Variants in HRH2 observed in about 807,000 individuals in gnomAD.
HRH2 encodes histamine H2 receptor.
Under a neutral mutation model 20.1 loss-of-function variants are expected in HRH2, and 4 were observed. The ratio of observed to expected loss-of-function variants is 0.20; its 90% CI spans 0.10 to 0.45. The LOEUF (loss-of-function observed/expected upper bound fraction) is 0.45, where lower values mean the gene tolerates loss of function less well. Ranked by LOEUF, HRH2 falls within the 20% of genes least tolerant of loss-of-function variation. The pLI is 0.99. For synonymous variants in HRH2, 197 were observed against 200.7 expected, an observed-to-expected ratio of 0.98 and a Z score of 0.16; for missense variants, 250 against 461.6, an observed-to-expected ratio of 0.54 and a Z score of 4.20.
At position 175,708,097 on chromosome 5, in the gene HRH2, C is replaced by T; in HGVS notation, c.*126C>T. The T allele has an allele frequency of 2.5e-6, 1 of 397,780 alleles. No individual in the cohort carries two copies. Among genetic ancestry groups the T allele is most frequent in the Non-Finnish European group, 4.4e-6 (1 of 225,858 alleles). 24.6% of individuals were successfully genotyped at this position (397,780 alleles called of 1,614,324 possible). A position where few individuals can be genotyped will look rare whatever the true frequency, so the allele number is the denominator to read the frequency against. On this transcript the variant is annotated 3_prime_UTR_variant, in exon 3 of 3. Coordinates refer to ENST00000636584, the MANE Select transcript of HRH2 (RefSeq NM_001367711.1). The stretch of plus-strand genomic sequence containing the variant: ...GGACTGAATCTGGGGGCTCCCAGAA[C>T]ACACAGCTGGGTGTGGGGTCCTCAG...
intron 2 of HRH2, among the ~76,000 whole-genome samples, chr5:175,692,782 C>A (rs1756430600): frequency 6.6e-6 from 1 of 152,198 alleles, no homozygotes. Context: ...CCAATACTAA[C>A]TATATATAAA....
At chr5:175,670,133 G>A (rs972953033) in intron 1 of HRH2, among the ~76,000 whole-genome samples, 1 of 152,170 alleles carries the variant, frequency 6.6e-6, no homozygotes, top group African/African-American at 2.4e-5. Context: ...AGGTGGGAAC[G>A]AGGGCCAGGG....
intron 2 of HRH2, among the ~76,000 whole-genome samples, chr5:175,691,880 AAG>A (rs1454329172): frequency 6.6e-6 from 1 of 151,658 alleles, no homozygotes; most frequent in African/African-American, 2.4e-5. Flanking sequence ...AAAAAGAAAA[AAG>A]AGAAAAAAAA....
At chr5:175,676,789 C>T (rs1164503475) in intron 1 of HRH2, among the ~76,000 whole-genome samples, 2 of 152,188 alleles carry the variant, frequency 1.3e-5, no homozygotes, top group Non-Finnish European at 2.9e-5. Context: ...CATGTGTACA[C>T]ATTTTTTACC....
chr5:175,692,819 AC>A (rs1398114508), intron 2 of HRH2, among the ~76,000 whole-genome samples: 1 of 152,118 alleles, frequency 6.6e-6, no homozygotes, highest in Non-Finnish European at 1.5e-5. Context: ...GAGCGTGCCA[AC>A]CCCCCAACTG....
chr5:175,670,720 C>A (rs999817932), intron 1 of HRH2, among the ~76,000 whole-genome samples: 2 of 152,254 alleles, frequency 1.3e-5, no homozygotes, highest in African/African-American at 2.4e-5. Context: ...ACTCTTGAGC[C>A]CACCAGAGAC....
At chr5:175,680,401 A>T (rs1033162045) in intron 1 of HRH2, among the ~76,000 whole-genome samples, 2 of 152,210 alleles carry the variant, frequency 1.3e-5, no homozygotes, top group Non-Finnish European at 2.9e-5. Flanking sequence ...GGAGGCCCCC[A>T]CATACCAAAC....
At chr5:175,662,309 G>A (rs544612117) in intron 1 of HRH2, among the ~76,000 whole-genome samples, 1 of 152,300 alleles carries the variant, frequency 6.6e-6, no homozygotes, top group East Asian at 1.9e-4. Flanking sequence ...TCAACATCTG[G>A]AGCTATTTTT....
chr5:175,693,382 G>A lies in HRH2; in HGVS notation c.1076+9073G>A, dbSNP rs888201718. Among the ~76,000 whole-genome samples the A allele has an allele frequency of 4.6e-5, 7 of 152,216 alleles. No homozygotes were observed. The highest frequency in any genetic ancestry group is 7.2e-5 in the African/African-American group (3 of 41,462). On this transcript the variant is annotated intron_variant, in intron 2 of 2. Transcript: ENST00000636584. The surrounding 1 kb of genome is among the most constrained non-coding windows in gnomAD (Gnocchi z 4.4). ...GGTCCCGACTGCCAAAAACTGGCAC[G>A]TGGTGCTAGACAACCATCAGTGTGC...
chr5:175,678,924 G>A (rs1178755981), intron 1 of HRH2, among the ~76,000 whole-genome samples: 5 of 152,214 alleles, frequency 3.3e-5, no homozygotes, highest in Non-Finnish European at 7.3e-5. Context: ...CGTGGAGGGG[G>A]AGCACATCCC....
intron 1 of HRH2, among the ~76,000 whole-genome samples, chr5:175,661,576 G>T (rs1243216859): frequency 1.3e-5 from 2 of 152,192 alleles, no homozygotes; most frequent in African/African-American, 4.8e-5. Flanking sequence ...GTCAGGAAGG[G>T]CTGACAGATT....
chr5:175,670,746 A>T (rs183220144), intron 1 of HRH2, among the ~76,000 whole-genome samples: 1 of 152,218 alleles, frequency 6.6e-6, no homozygotes, highest in African/African-American at 2.4e-5. Flanking sequence ...GAGAGTCTAC[A>T]TGATTAATCC....
At chr5:175,670,349 A>C (rs2113487398) in intron 1 of HRH2, among the ~76,000 whole-genome samples, 1 of 152,350 alleles carries the variant, frequency 6.6e-6, no homozygotes, top group African/African-American at 2.4e-5. Flanking sequence ...GCTTCTTAAA[A>C]AAAATTGATA....
At position 175,683,332 on chromosome 5, in the gene HRH2, T is replaced by G; in HGVS notation, c.99T>G (p.Val33=). The G allele has an allele frequency of 1.9e-6, 3 of 1,614,142 alleles. No homozygotes were observed. Among genetic ancestry groups the G allele is most frequent in the Non-Finnish European group, 2.5e-6 (3 of 1,180,032 alleles). ...VVLAVLILIT[V]AGNVVVCLAV... is the part of the protein sequence containing the mutation. ...TTGCGGTCCTCATCCTCATCACCGT[T>G]GCTGGCAATGTGGTCGTCTGTCTGG... Residue 33 remains valine (V), a synonymous_variant, in exon 2 of 3, where the codon GTT becomes GTG. Coordinates refer to ENST00000636584, the MANE Select transcript of HRH2 (RefSeq NM_001367711.1).
intron 2 of HRH2, among the ~76,000 whole-genome samples, chr5:175,707,076 C>T (rs1025711749): frequency 5.9e-5 from 9 of 152,222 alleles, no homozygotes; most frequent in African/African-American, 2.2e-4. Context: ...ACCAGACAGC[C>T]TGTGTGTGCT....
chr5:175,674,729 G>T (rs1403656116), intron 1 of HRH2, among the ~76,000 whole-genome samples: 1 of 152,146 alleles, frequency 6.6e-6, no homozygotes, highest in Non-Finnish European at 1.5e-5. Flanking sequence ...TCATGCCTTT[G>T]CACCCCTCCT....
chr5:175,685,463 T>C, intron 2 of HRH2: 2 of 1,551,636 alleles, frequency 1.3e-6, no homozygotes, highest in South Asian at 2.4e-5. Flanking sequence ...ATTCATTCAT[T>C]CATTTGTTCA....
At position 175,683,091 on chromosome 5, in the gene HRH2, C is replaced by CAAAAAAAAAAAAA. The variant is rs35616765; in HGVS notation, c.-134_-122dup. On this transcript the variant is annotated 5_prime_UTR_variant, in exon 2 of 3. Coordinates refer to ENST00000636584, the MANE Select transcript of HRH2 (RefSeq NM_001367711.1). ...ATTGAAGCCTTCCCCACCCCCTGGC[C>CAAAAAAAAAAAAA]AAAAAAAAAAAAAAAAAAAAACTGG... 1 of 580,254 alleles carries CAAAAAAAAAAAAA rather than the reference C, an allele frequency of 1.7e-6. No homozygotes were observed. Among genetic ancestry groups the CAAAAAAAAAAAAA allele is most frequent in the African/African-American group, 3.3e-5 (1 of 30,038 alleles). 35.9% of individuals were successfully genotyped at this position (580,254 alleles called of 1,614,324 possible). A position where few individuals can be genotyped will look rare whatever the true frequency, so the allele number is the denominator to read the frequency against.
intron 2 of HRH2, among the ~76,000 whole-genome samples, chr5:175,691,870 A>G (rs1398037957): frequency 6.6e-6 from 1 of 151,812 alleles, no homozygotes; most frequent in East Asian, 1.9e-4. Flanking sequence ...TCTCAAAAAA[A>G]AAAAGAAAAA....
Sources: allele counts gnomAD v4.1 joint callset (sites outside exome capture counted in the v4.1 genomes callset), GRCh38; gene constraint gnomAD v4.1.1; non-coding constraint Gnocchi (gnomAD v3.1); transcripts MANE v1.5; gene names NCBI Gene and HGNC (gene_info 2026-07-23, HGNC 2026-07-21).